HS2ST1: variants seen among roughly 807,000 people sequenced by gnomAD.
The protein encoded by HS2ST1 is 2-O-sulfotransferase.
HS2ST1 carries 18 observed loss-of-function variants against 42.9 expected under a neutral mutation model. The ratio of observed to expected loss-of-function variants is 0.42; its 90% CI spans 0.29 to 0.62. The LOEUF (loss-of-function observed/expected upper bound fraction) is 0.62, where lower values mean the gene tolerates loss of function less well. Among genes scored for constraint, HS2ST1 ranks in the 20% least tolerant of loss-of-function variants. HS2ST1 has a pLI of 0.21. For synonymous variants in HS2ST1, 146 were observed against 152.9 expected (o/e 0.95, Z 0.33); for missense variants, 334 against 433.8 (o/e 0.77, Z 2.04).
intron 1 of HS2ST1, among the ~76,000 whole-genome samples, chr1:87,044,075 G>T (rs984254992): frequency 6.6e-6 from 1 of 152,056 alleles, no homozygotes. Context: ...AGGGTCTGTG[G>T]TAGTAAATAC....
At chr1:86,941,486 T>C (rs1335269775) in intron 1 of HS2ST1, among the ~76,000 whole-genome samples, 2 of 151,652 alleles carry the variant, frequency 1.3e-5, no homozygotes, top group Non-Finnish European at 2.9e-5. Flanking sequence ...AAAAAAAAAA[T>C]TACAGCCGGG....
intron 1 of HS2ST1, among the ~76,000 whole-genome samples, chr1:86,926,723 T>C (rs1448817685): frequency 1.3e-5 from 2 of 152,218 alleles, no homozygotes; most frequent in African/African-American, 4.8e-5. Context: ...GAATTATACT[T>C]AGTAATTAAA....
At chr1:86,964,651 G>C (rs1647990854) in intron 1 of HS2ST1, among the ~76,000 whole-genome samples, 2 of 152,212 alleles carry the variant, frequency 1.3e-5, no homozygotes, top group South Asian at 4.1e-4. Context: ...ACCGTGGGGA[G>C]AGGGAGAGGG....
chr1:87,056,729 C>T (rs1282220462), intron 1 of HS2ST1, among the ~76,000 whole-genome samples: 2 of 152,062 alleles, frequency 1.3e-5, no homozygotes, highest in Admixed American at 6.6e-5. Context: ...TTATACAATT[C>T]TAATGTATTA....
At chr1:86,976,993 T>A (rs1457982875) in intron 1 of HS2ST1, among the ~76,000 whole-genome samples, 2 of 151,762 alleles carry the variant, frequency 1.3e-5, no homozygotes, top group Admixed American at 1.3e-4. Context: ...CAAGGATACA[T>A]GAGCTATGTT....
At position 86,929,996 on chromosome 1, in the gene HS2ST1, A is replaced by G. The variant is rs142481226; in HGVS notation, c.124+14836A>G. 2.6e-4 allele frequency among the ~76,000 whole-genome samples: 40 copies of G among 151,964 alleles called. 1 individual carries two copies. The highest frequency in any genetic ancestry group is 7.9e-4 in the Admixed American group (12 of 15,260). On this transcript the variant is annotated intron_variant, in intron 1 of 6. Coordinates refer to ENST00000370550, the MANE Select transcript of HS2ST1 (RefSeq NM_012262.4). ...TGAATCTTACACAGCTTCAAACACT[A>G]TTAACTCAGGTAAATAGTTACTTGC...
At chr1:87,078,608 G>A (rs1651605748) in intron 2 of HS2ST1, among the ~76,000 whole-genome samples, 11 of 152,186 alleles carry the variant, frequency 7.2e-5, no homozygotes. Context: ...AGTTTTCAGT[G>A]TCTTCAGTCT....
chr1:87,023,074 G>A (rs763907613), intron 1 of HS2ST1, among the ~76,000 whole-genome samples: 2 of 152,122 alleles, frequency 1.3e-5, no homozygotes, highest in Non-Finnish European at 1.5e-5. Flanking sequence ...CAAAATTTGT[G>A]TTATGTCCAA....
intron 1 of HS2ST1, among the ~76,000 whole-genome samples, chr1:86,950,207 C>G (rs980446367): frequency 1.4e-4 from 22 of 152,152 alleles, no homozygotes; most frequent in African/African-American, 4.1e-4. Flanking sequence ...ACAACTTCAC[C>G]TGTTTGGTAC....
chr1:87,082,392 C>T (rs752776783), intron 2 of HS2ST1, among the ~76,000 whole-genome samples: 3 of 152,196 alleles, frequency 2.0e-5, no homozygotes, highest in South Asian at 2.1e-4. Flanking sequence ...ATGATCTTCC[C>T]TGCTGTTTAG....
chr1:87,041,299 G>T (rs2100604809), intron 1 of HS2ST1, among the ~76,000 whole-genome samples: 1 of 148,400 alleles, frequency 6.7e-6, no homozygotes, highest in South Asian at 2.2e-4. Flanking sequence ...GAGGTGGGAG[G>T]ATTGCTTGAG....
intron 1 of HS2ST1, among the ~76,000 whole-genome samples, chr1:86,990,836 ATT>A (rs55739816): frequency 1.5e-3 from 67 of 44,210 alleles, no homozygotes; most frequent in African/African-American, 5.2e-3. Context: ...ATATATATAT[ATT>A]TTTTTTTTTT....
Position 87,092,517 on chromosome 1 carries a change from T to G in HS2ST1, c.450-14T>G, listed in dbSNP as rs542228151. 1 of 1,524,334 alleles carries G rather than the reference T, an allele frequency of 6.6e-7. No individual in the cohort carries two copies. Among genetic ancestry groups the G allele is most frequent in the African/African-American group, 1.4e-5 (1 of 69,718 alleles). The allele number at this position is 1,524,334 out of a possible 1,614,324, so 94.4% of individuals were successfully genotyped here. ...AAATGTTGATTTCACCTTTGAAATTTTGTTGTATTTCAGATTTGGTGTGAA... is the reference window on the plus strand; with the variant it reads ...AAATGTTGATTTCACCTTTGAAATTGTGTTGTATTTCAGATTTGGTGTGAA... On this transcript the variant is annotated splice_polypyrimidine_tract_variant and intron_variant, in intron 3 of 6. Coordinates refer to ENST00000370550, the MANE Select transcript of HS2ST1 (RefSeq NM_012262.4).
chr1:87,066,383 A>G (rs1403247022), intron 1 of HS2ST1, among the ~76,000 whole-genome samples: 1 of 152,054 alleles, frequency 6.6e-6, no homozygotes, highest in Non-Finnish European at 1.5e-5. Context: ...TGACTCCTAC[A>G]TTGCACCCCG....
At chr1:86,995,567 A>G (rs770599360) in intron 1 of HS2ST1, among the ~76,000 whole-genome samples, 2 of 152,114 alleles carry the variant, frequency 1.3e-5, no homozygotes, top group African/African-American at 2.4e-5. Context: ...GAGGAAATGA[A>G]ATTTTTTTTC....
rs1660107169 is a variant in HS2ST1 at position 86,914,940 on chromosome 1, G to C, written c.-97G>C. 1 of 1,497,940 alleles carries C rather than the reference G, an allele frequency of 6.7e-7. No homozygotes were observed. 92.8% of individuals were successfully genotyped at this position (1,497,940 alleles called of 1,614,324 possible). On this transcript the variant is annotated 5_prime_UTR_variant, in exon 1 of 7. Coordinates refer to ENST00000370550, the MANE Select transcript of HS2ST1 (RefSeq NM_012262.4). The stretch of plus-strand genomic sequence containing the variant: ...CTCGCTGTCGCTCTCTCTTTGCCTC[G>C]CTCCCGGCTCGGCGGGCTCCTCCCG...
intron 1 of HS2ST1, among the ~76,000 whole-genome samples, chr1:87,002,393 G>C (rs1199664475): frequency 1.3e-5 from 2 of 152,050 alleles, no homozygotes; most frequent in Non-Finnish European, 2.9e-5. Flanking sequence ...AGGAGTTCCA[G>C]ACCAGCCTGG....
At chr1:87,099,003 C>T (rs549852402) in intron 5 of HS2ST1, among the ~76,000 whole-genome samples, 1 of 152,252 alleles carries the variant, frequency 6.6e-6, no homozygotes, top group East Asian at 1.9e-4. Context: ...GTCTCGAACT[C>T]CTGACCTCAA....
intron 1 of HS2ST1, among the ~76,000 whole-genome samples, chr1:86,964,152 G>C (rs1456412154): frequency 6.6e-6 from 1 of 151,884 alleles, no homozygotes. Context: ...CTTCCTAGAC[G>C]GGATGGCGGC....
Sources: allele counts gnomAD v4.1 joint callset (sites outside exome capture counted in the v4.1 genomes callset), GRCh38; gene constraint gnomAD v4.1.1; transcripts MANE v1.5; gene names NCBI Gene and HGNC (gene_info 2026-07-23, HGNC 2026-07-21).